The following CHCHD3 variants were observed in gnomAD, a reference collection of about 807,000 sequenced individuals.
CHCHD3 encodes the protein coiled-coil-helix-coiled-coil-helix domain containing 3, also known as MICOS complex subunit MIC19.
In CHCHD3, 20 loss-of-function variants were observed where a neutral mutation model predicts 38.2. That is an observed-to-expected ratio of 0.52 (90% confidence interval 0.37 to 0.76). The LOEUF is 0.76. Ranked by LOEUF, CHCHD3 falls within the 30% of genes least tolerant of loss-of-function variation. The probability of loss-of-function intolerance (pLI) is 0.00; values close to 1 mark genes in which losing one functional copy is unlikely to be tolerated. For missense variants in CHCHD3, 245 were observed against 279.2 expected (o/e 0.88, Z 0.87); for synonymous variants, 82 against 100.0 (o/e 0.82, Z 1.07).
chr7:132,975,560 A>G (rs1811742096), intron 3 of CHCHD3, among the ~76,000 whole-genome samples: 1 of 152,218 alleles, frequency 6.6e-6, no homozygotes, highest in South Asian at 2.1e-4. Flanking sequence ...CTTCTTATGT[A>G]AAATTAAAAT....
intron 2 of CHCHD3, among the ~76,000 whole-genome samples, chr7:133,039,195 C>A (rs1813760268): frequency 6.6e-6 from 1 of 152,106 alleles, no homozygotes; most frequent in African/African-American, 2.4e-5. Context: ...TTTTAAATAC[C>A]TATTTGTGGG....
chr7:132,959,057 G>A (rs1390028424), intron 4 of CHCHD3, among the ~76,000 whole-genome samples: 3 of 152,184 alleles, frequency 2.0e-5, no homozygotes, highest in Admixed American at 2.0e-4. Context: ...GAGAGAGAGG[G>A]AAATTAAGAA....
intron 4 of CHCHD3, among the ~76,000 whole-genome samples, chr7:132,911,378 T>A (rs148402670): frequency 3.9e-5 from 6 of 152,262 alleles, no homozygotes; most frequent in African/African-American, 1.4e-4. Context: ...CAAAGACCTT[T>A]CAGATCACAC....
chr7:132,933,850 G>GACC (rs1279874553), intron 4 of CHCHD3, among the ~76,000 whole-genome samples: 1 of 152,212 alleles, frequency 6.6e-6, no homozygotes, highest in Non-Finnish European at 1.5e-5. Context: ...ACACATACAG[G>GACC]ACCAGAGTGT....
At chr7:132,804,193 A>G (rs751980299) in intron 6 of CHCHD3, among the ~76,000 whole-genome samples, 2 of 152,080 alleles carry the variant, frequency 1.3e-5, no homozygotes, top group Non-Finnish European at 2.9e-5. Context: ...AACATCAAAC[A>G]TACCCTCCCA....
chr7:133,000,568 T>C (rs1348168761), intron 3 of CHCHD3, among the ~76,000 whole-genome samples: 1 of 152,172 alleles, frequency 6.6e-6, no homozygotes, highest in Non-Finnish European at 1.5e-5. Context: ...ATTTAGCTTT[T>C]TTCACTTATG....
At chr7:133,040,834 T>C (rs1813814054) in intron 2 of CHCHD3, among the ~76,000 whole-genome samples, 1 of 152,174 alleles carries the variant, frequency 6.6e-6, no homozygotes, top group South Asian at 2.1e-4. Context: ...CTCACTCCCC[T>C]ATACTACCCA....
intron 4 of CHCHD3, among the ~76,000 whole-genome samples, chr7:132,939,193 G>C (rs1420677123): frequency 6.6e-6 from 1 of 152,052 alleles, no homozygotes; most frequent in East Asian, 1.9e-4. Context: ...CAGCACTGTA[G>C]CATAATATTT....
intron 5 of CHCHD3, among the ~76,000 whole-genome samples, chr7:132,855,923 A>T (rs1375777244): frequency 6.6e-6 from 1 of 152,092 alleles, no homozygotes; most frequent in Non-Finnish European, 1.5e-5. Context: ...AGAAAAAGAT[A>T]GCTATAGAGG....
chr7:133,039,213 T>A (rs1047443399), intron 2 of CHCHD3, among the ~76,000 whole-genome samples: 7 of 152,206 alleles, frequency 4.6e-5, no homozygotes, highest in Admixed American at 3.9e-4. Flanking sequence ...GGGTATTCTA[T>A]CTCAATAACA....
At chr7:132,827,386 C>A (rs565310431) in intron 6 of CHCHD3, among the ~76,000 whole-genome samples, 63 of 152,222 alleles carry the variant, frequency 4.1e-4, no homozygotes, top group African/African-American at 1.3e-3. Context: ...CTATACATAG[C>A]CTGAAGGTCA....
chr7:132,819,857 C>T (rs148923887), intron 6 of CHCHD3, among the ~76,000 whole-genome samples: 510 of 152,250 alleles, frequency 3.3e-3, no homozygotes, highest in Non-Finnish European at 5.7e-3. Context: ...CAGCGTGAGC[C>T]GGGCCAAAGC....
At chr7:132,833,237 T>C (rs926125916) in intron 6 of CHCHD3, among the ~76,000 whole-genome samples, 3 of 152,196 alleles carry the variant, frequency 2.0e-5, no homozygotes, top group African/African-American at 7.2e-5. Context: ...AAATGCGACA[T>C]GAAGTGTTGA....
intron 5 of CHCHD3, among the ~76,000 whole-genome samples, chr7:132,862,477 A>G (rs1808520951): frequency 6.6e-6 from 1 of 152,236 alleles, no homozygotes. Flanking sequence ...ATACTTTATC[A>G]CTAAAAAATG....
At chr7:132,870,627 G>A (rs76036842) in intron 5 of CHCHD3, among the ~76,000 whole-genome samples, 7,501 of 151,730 alleles carry the variant, frequency 0.049, 229 homozygotes, top group East Asian at 0.11. Flanking sequence ...GGGTCAAACA[G>A]GTTACATGAT....
intron 7 of CHCHD3, among the ~76,000 whole-genome samples, chr7:132,792,842 C>G: frequency 6.6e-6 from 1 of 152,140 alleles, no homozygotes; most frequent in East Asian, 1.9e-4. Flanking sequence ...ACAAAATGTG[C>G]CAGAAGGGTC....
rs1265163021 is a variant in CHCHD3 at position 132,985,809 on chromosome 7, G to A, written c.252-10523C>T. The stretch of plus-strand genomic sequence containing the variant: ...GGGTCAGCCCCCCGCCCGGCCAGCC[G>A]CCCCGTCCGGGAGGTGAGGGGCGCC... On this transcript the variant is annotated intron_variant, in intron 3 of 7. Transcript: ENST00000262570. 5.7e-5 allele frequency among the ~76,000 whole-genome samples: 6 copies of A among 104,538 alleles called. 1 individual carries two copies. Among genetic ancestry groups the A allele is most frequent in the Non-Finnish European group, 1.2e-4 (6 of 48,556 alleles). The allele number at this position is 104,538 out of a possible 152,430, so 68.6% of individuals were successfully genotyped here. A position where few individuals can be genotyped will look rare whatever the true frequency, so the allele number is the denominator to read the frequency against.
rs1300438249 is a variant in CHCHD3 at position 132,984,870 on chromosome 7, C to T, written c.252-9584G>A. On this transcript the variant is annotated intron_variant, in intron 3 of 7. Coordinates refer to ENST00000262570, the MANE Select transcript of CHCHD3 (RefSeq NM_017812.4). ...GGGAGGTGGGGGTCAGCCCCCCACC[C>T]GGCCAGCCGCCCCATCCGGGAGGGA... is the stretch of plus-strand genomic sequence containing the variant. Among the ~76,000 whole-genome samples, 25 of 106,468 alleles carry T rather than the reference C, an allele frequency of 2.3e-4. 3 individuals are homozygous for T. Among genetic ancestry groups the T allele is most frequent in the Admixed American group, 1.5e-3 (16 of 10,348 alleles). 69.8% of individuals were successfully genotyped at this position (106,468 alleles called of 152,430 possible).
chr7:132,965,059 A>ATGTGTGTGTGTGTGTGTGTG (rs5887603), intron 4 of CHCHD3, among the ~76,000 whole-genome samples: 19 of 148,542 alleles, frequency 1.3e-4, no homozygotes, highest in East Asian at 4.0e-4. Context: ...TATGGGTTTT[A>ATGTGTGTGTGTGTGTGTGTG]TGTGTGTGTG....
Sources: gnomAD v4.1 joint callset for allele counts (sites outside exome capture counted in the v4.1 genomes callset) on GRCh38, gnomAD v4.1.1 for gene constraint, MANE v1.5 for transcripts, NCBI Gene and HGNC (gene_info 2026-07-23, HGNC 2026-07-21) for gene names.